The following PPP1R13B variants were observed in gnomAD, a reference collection of about 807,000 sequenced individuals.
The protein encoded by PPP1R13B is protein phosphatase 1 regulatory subunit 13B.
Under a neutral mutation model 119.8 loss-of-function variants are expected in PPP1R13B, and 44 were observed. The ratio of observed to expected loss-of-function variants is 0.37; its 90% CI spans 0.29 to 0.47. The LOEUF is 0.47. Among genes scored for constraint, PPP1R13B ranks in the 20% least tolerant of loss-of-function variants. PPP1R13B has a pLI of 0.99. For synonymous variants in PPP1R13B, 542 were observed against 561.5 expected (o/e 0.97, Z 0.49); for missense variants, 1,227 against 1,413.5 (o/e 0.87, Z 2.12).
intron 1 of PPP1R13B, among the ~76,000 whole-genome samples, chr14:103,813,098 TG>T: frequency 6.6e-6 from 1 of 152,330 alleles, no homozygotes; most frequent in African/African-American, 2.4e-5. Context: ...AAAACCTGCA[TG>T]TGAATGTTTA....
chr14:103,847,002 G>C (rs1034403152), intron 1 of PPP1R13B: 273 of 1,179,608 alleles, frequency 2.3e-4, no homozygotes, highest in Admixed American at 4.7e-4. Flanking sequence ...GCGTCCGACC[G>C]CGCACCTGAG....
chr14:103,787,538 A>C (rs1412409276), intron 2 of PPP1R13B, among the ~76,000 whole-genome samples: 1 of 150,450 alleles, frequency 6.6e-6, no homozygotes, highest in Non-Finnish European at 1.5e-5. Flanking sequence ...AACCCTAGGG[A>C]CTGGGCGTGG....
chr14:103,819,564 A>T (rs1019427291), intron 1 of PPP1R13B, among the ~76,000 whole-genome samples: 15 of 152,012 alleles, frequency 9.9e-5, no homozygotes, highest in African/African-American at 3.4e-4. Flanking sequence ...GAGTCTCAGG[A>T]GGCTAATATA....
chr14:103,771,243 G>C (rs1384830766), intron 4 of PPP1R13B, among the ~76,000 whole-genome samples: 1 of 152,066 alleles, frequency 6.6e-6, no homozygotes, highest in Non-Finnish European at 1.5e-5. Flanking sequence ...AGGCCTTTCA[G>C]GAAAGGCCTG....
At chr14:103,749,090 A>G (rs775186165) in intron 8 of PPP1R13B, among the ~76,000 whole-genome samples, 7 of 152,224 alleles carry the variant, frequency 4.6e-5, no homozygotes, top group Non-Finnish European at 1.0e-4. Flanking sequence ...GAATCGACTC[A>G]TGTGATTGTG....
chr14:103,740,055 C>T lies in PPP1R13B; in HGVS notation c.2361G>A (p.Pro787=), dbSNP rs759942622. The change falls in exon 12 of 17, where the codon CCG becomes CCA. Residue 787 remains proline (P), a synonymous_variant. Coordinates refer to ENST00000202556, the MANE Select transcript of PPP1R13B (RefSeq NM_015316.3). The surrounding 1 kb of genome is among the most constrained non-coding windows in gnomAD (Gnocchi z 4.6). The part of the protein sequence containing the change: ...PTAPLPAEPA[P]SSDANDNELP... ...ACTCATTATCATTGGCATCTGATGA[C>T]GGGGCAGGCTCAGCGGGGAGTGGGG... is the stretch of plus-strand genomic sequence containing the variant. 2.5e-5 allele frequency: 41 copies of T among 1,613,668 alleles called. 1 individual carries two copies. Among genetic ancestry groups the T allele is most frequent in the East Asian group, 1.8e-4 (8 of 44,880 alleles).
chr14:103,806,873 C>T (rs2086028648), intron 1 of PPP1R13B, among the ~76,000 whole-genome samples: 1 of 152,134 alleles, frequency 6.6e-6, no homozygotes, highest in Middle Eastern at 3.2e-3. Flanking sequence ...TACCCAAGCC[C>T]GAGCCACCAC....
Position 103,740,447 on chromosome 14 carries a change from G to T in PPP1R13B, c.1969C>A (p.Pro657Thr). Reference sequence around the variant, plus strand: ...CTCTCCACGGTGCTGCCATCTGCGGGGGCGGCGGGGCCATCCTGCTCAGGC... The same window carrying T: ...CTCTCCACGGTGCTGCCATCTGCGGTGGCGGCGGGGCCATCCTGCTCAGGC... ...KEPEQDGPAA[P>T]ADGSTVESLP... The change falls in exon 12 of 17, where the codon CCC becomes ACC. Residue 657 changes from proline (P) to threonine (T), a missense_variant. Transcript: ENST00000202556. The surrounding 1 kb of genome is among the most constrained non-coding windows in gnomAD (Gnocchi z 4.6). The T allele has an allele frequency of 6.2e-7, 1 of 1,607,056 alleles. No homozygotes were observed. The highest frequency in any genetic ancestry group is 1.1e-5 in the South Asian group (1 of 90,498).
Position 103,736,149 on chromosome 14 carries a change from C to T in PPP1R13B, c.3085G>A (p.Asp1029Asn), listed in dbSNP as rs1289762879. ...MNKGVAYALW[D>N]YEAQNSDELS... ...TCGTCACTGTTCTGGGCCTCGTAGT[C>T]CCACAGAGCATACGCCACACCTTTG... The change falls in exon 16 of 17, where the codon GAC (aspartate) becomes AAC (asparagine). Residue 1029 changes from aspartate to asparagine, a missense_variant. Asp to Asn is a conservative substitution (Grantham distance 23). Coordinates refer to ENST00000202556, the MANE Select transcript of PPP1R13B (RefSeq NM_015316.3). The T allele has an allele frequency of 2.5e-6, 4 of 1,614,088 alleles. No homozygotes were observed. The highest frequency in any genetic ancestry group is 3.4e-6 in the Non-Finnish European group (4 of 1,180,054).
chr14:103,775,463 G>C (rs1595755121), intron 4 of PPP1R13B, among the ~76,000 whole-genome samples: 1 of 152,102 alleles, frequency 6.6e-6, no homozygotes, highest in East Asian at 1.9e-4. Context: ...TTAGTAGAGA[G>C]AGGGTTTCAC....
intron 4 of PPP1R13B, among the ~76,000 whole-genome samples, chr14:103,765,203 T>C (rs891521117): frequency 6.6e-6 from 1 of 152,236 alleles, no homozygotes; most frequent in African/African-American, 2.4e-5. Context: ...TATTTCCTTG[T>C]GCACGTGATT....
chr14:103,806,288 C>G (rs2086016166), intron 1 of PPP1R13B, among the ~76,000 whole-genome samples: 1 of 152,096 alleles, frequency 6.6e-6, no homozygotes, highest in African/African-American at 2.4e-5. Flanking sequence ...TCTGGCCCAA[C>G]CCAATCAGGT....
chr14:103,788,202 T>TA (rs1265955588), intron 2 of PPP1R13B, among the ~76,000 whole-genome samples: 1 of 152,230 alleles, frequency 6.6e-6, no homozygotes, highest in Non-Finnish European at 1.5e-5. Flanking sequence ...ATTCTGTTTT[T>TA]AGTCTCACCA....
rs1417684812 is a variant in PPP1R13B at position 103,738,581 on chromosome 14, C to T, written c.2864+98G>A. 3 of 1,531,040 alleles carry T rather than the reference C, an allele frequency of 2.0e-6. No homozygotes were observed. The highest frequency in any genetic ancestry group is 2.7e-6 in the Non-Finnish European group (3 of 1,126,502). The allele number at this position is 1,531,040 out of a possible 1,614,324, so 94.8% of individuals were successfully genotyped here. Reference sequence around the variant, plus strand: ...AATGATGGGTGTTCTTGCTCTAATTCTCTCTTCCGTGCTTCCTAATTGTCT... The same window carrying T: ...AATGATGGGTGTTCTTGCTCTAATTTTCTCTTCCGTGCTTCCTAATTGTCT... On this transcript the variant is annotated intron_variant, in intron 14 of 16. Transcript: ENST00000202556. This position sits in a 1 kb window ranked among gnomAD's most constrained non-coding sequence, Gnocchi z 5.6.
At chr14:103,787,307 G>A (rs2152028635) in intron 2 of PPP1R13B, among the ~76,000 whole-genome samples, 1 of 151,832 alleles carries the variant, frequency 6.6e-6, no homozygotes, top group Non-Finnish European at 1.5e-5. Context: ...AAATTAGCCG[G>A]GCATGGTGGC....
At chr14:103,815,813 G>A (rs2086265418) in intron 1 of PPP1R13B, among the ~76,000 whole-genome samples, 1 of 151,776 alleles carries the variant, frequency 6.6e-6, no homozygotes. Context: ...GCCAGGTGTG[G>A]TGGCTCATGC....
At chr14:103,774,468 T>C (rs1262553140) in intron 4 of PPP1R13B, among the ~76,000 whole-genome samples, 1 of 152,172 alleles carries the variant, frequency 6.6e-6, no homozygotes, top group African/African-American at 2.4e-5. Context: ...CACAGGCATA[T>C]ATAATGAGAA....
intron 4 of PPP1R13B, among the ~76,000 whole-genome samples, chr14:103,765,671 C>T (rs2084920777): frequency 6.6e-6 from 1 of 152,190 alleles, no homozygotes; most frequent in Non-Finnish European, 1.5e-5. Flanking sequence ...TTCCCGCTGC[C>T]CACAGTGCCC....
intron 4 of PPP1R13B, among the ~76,000 whole-genome samples, chr14:103,773,277 G>T (rs1183091091): frequency 6.6e-6 from 1 of 151,954 alleles, no homozygotes; most frequent in Admixed American, 6.6e-5. Context: ...GAAAGATGAA[G>T]GTCTAATAAG....
Sources: gnomAD v4.1 joint callset for allele counts (sites outside exome capture counted in the v4.1 genomes callset) on GRCh38, gnomAD v4.1.1 for gene constraint, Gnocchi (gnomAD v3.1) non-coding constraint, MANE v1.5 for transcripts, NCBI Gene and HGNC (gene_info 2026-07-23, HGNC 2026-07-21) for gene names.